PTCD3: variants seen among roughly 807,000 people sequenced by gnomAD.
PTCD3 encodes pentatricopeptide repeat domain 3.
PTCD3 carries 89 observed loss-of-function variants against 101.9 expected under a neutral mutation model. The observed-to-expected ratio is 0.87, with a 90% CI of 0.74 to 1.04. The LOEUF (loss-of-function observed/expected upper bound fraction) is 1.04. Among genes scored for constraint, PTCD3 ranks in the 50% least tolerant of loss-of-function variants. PTCD3 has a pLI of 0.00. For missense variants in PTCD3, 870 were observed against 828.2 expected (o/e 1.05, Z -0.62); for synonymous variants, 296 against 278.5 (o/e 1.06, Z -0.63).
chr2:86,106,925 G>A (rs1206416023), intron 1 of PTCD3, among the ~76,000 whole-genome samples: 3 of 152,128 alleles, frequency 2.0e-5, no homozygotes, highest in Non-Finnish European at 2.9e-5. Context: ...GGGAATATGA[G>A]AGGCAGTAAT....
At chr2:86,131,771 T>A (rs1346730042) in intron 16 of PTCD3, among the ~76,000 whole-genome samples, 3 of 152,218 alleles carry the variant, frequency 2.0e-5, no homozygotes, top group Non-Finnish European at 4.4e-5. Context: ...GCAAAAGTAA[T>A]TGTGGCCTTT....
rs116182210 is a variant in PTCD3, at chr2:86,106,780, T to C, written c.104+429T>C. ...ACCGTGGGGACTTTGGCTAAAGAAG[T>C]TATCAGGTTTTCGTAAAAGCAGAAA... On this transcript the variant is annotated intron_variant, in intron 1 of 23. Coordinates refer to ENST00000254630, the MANE Select transcript of PTCD3 (RefSeq NM_017952.6). Among the ~76,000 whole-genome samples, 253 of 152,290 alleles carry C rather than the reference T, an allele frequency of 1.7e-3. 2 individuals carry two copies. The highest frequency in any genetic ancestry group is 5.8e-3 in the African/African-American group (242 of 41,564).
In PTCD3 at chr2:86,124,942, C is replaced by T. The variant is rs1023179124; in HGVS notation, c.717-53C>T. 27 of 1,599,670 alleles carry T rather than the reference C, an allele frequency of 1.7e-5. No homozygotes were observed. In the East Asian group the frequency reaches 6.0e-4, roughly 36 times the overall value. On this transcript the variant is annotated intron_variant, in intron 9 of 23. Transcript: ENST00000254630. Reference sequence around the variant, plus strand: ...ATAAACCGTCAGTAAATGGTGGTAGCTCTCATTGGTATTTCTTATTGCCTG... The same window carrying T: ...ATAAACCGTCAGTAAATGGTGGTAGTTCTCATTGGTATTTCTTATTGCCTG...
chr2:86,130,196 A>G (rs1674471045), intron 14 of PTCD3, among the ~76,000 whole-genome samples: 1 of 152,168 alleles, frequency 6.6e-6, no homozygotes, highest in Non-Finnish European at 1.5e-5. Flanking sequence ...GCTGCTCGGA[A>G]GGCTGAGGCA....
chr2:86,109,275 G>A (rs923943531), intron 3 of PTCD3, among the ~76,000 whole-genome samples: 1 of 152,054 alleles, frequency 6.6e-6, no homozygotes, highest in South Asian at 2.1e-4. Flanking sequence ...ATGTGGTGGG[G>A]GGTCGCCTGT....
rs765180280 is a variant in PTCD3, at chr2:86,137,178, G to C, written c.1979+38G>C. 5.9e-6 allele frequency: 9 copies of C among 1,529,068 alleles called. No individual in the cohort carries two copies. The East Asian group carries it at 1.8e-4, about 31-fold the overall frequency. The allele number at this position is 1,529,068 out of a possible 1,614,324, so 94.7% of individuals were successfully genotyped here. A position where few individuals can be genotyped will look rare whatever the true frequency, so the allele number is the denominator to read the frequency against. ...CATGAAGCATAGTTTGTAAAATGGA[G>C]ACCTTTCATCCATCTGCCCATTCAA... On this transcript the variant is annotated intron_variant, in intron 23 of 23. Coordinates refer to ENST00000254630, the MANE Select transcript of PTCD3 (RefSeq NM_017952.6).
In PTCD3 at chr2:86,118,995, C is replaced by G. The variant is rs148813034; in HGVS notation, c.489C>G (p.Leu163=). ...CCGCCCTGAAGGAACGAATTGAGCT[C>G]AGAAAAGTCAAAGCCTCTGTGGACA... ...SEAALKERIE[L]RKVKASVDMF... Residue 163 remains leucine (L), a synonymous_variant, in exon 7 of 24, where the codon CTC becomes CTG. Transcript: ENST00000254630. The G allele has an allele frequency of 3.1e-6, 5 of 1,614,112 alleles. No individual in the cohort carries two copies. The highest frequency in any genetic ancestry group is 1.7e-5 in the Admixed American group (1 of 60,008).
chr2:86,113,469 G>C (rs544147543), intron 4 of PTCD3, among the ~76,000 whole-genome samples: 1 of 152,076 alleles, frequency 6.6e-6, no homozygotes, highest in South Asian at 2.1e-4. Context: ...TTACAAGTAC[G>C]CAGAATTGTT....
intron 13 of PTCD3, 38 bp downstream of exon 13, chr2:86,127,343 T>G: frequency 6.3e-7 from 1 of 1,588,664 alleles, no homozygotes; most frequent in East Asian, 2.2e-5. Context: ...GGACAGAGAC[T>G]GTGCCAGCCA....
chr2:86,125,612 T>C, intron 11 of PTCD3, 97 bp downstream of exon 11: 1 of 1,297,398 alleles, frequency 7.7e-7, no homozygotes, highest in Non-Finnish European at 1.1e-6. Flanking sequence ...TGGCCTACAC[T>C]TTACCTTTTC....
intron 4 of PTCD3, chr2:86,111,942 C>T (rs1211204363): frequency 6.6e-6 from 1 of 152,028 alleles, no homozygotes; most frequent in African/African-American, 2.4e-5. Context: ...CGGGGTTTCT[C>T]CATGTTGGTC....
At chr2:86,125,175 T>A in intron 10 of PTCD3, 93 bp downstream of exon 10, 1 of 1,530,880 alleles carries the variant, frequency 6.5e-7, no homozygotes, top group Non-Finnish European at 8.8e-7. Flanking sequence ...GGTAATTTGT[T>A]GTGGGGTCTG....
intron 16 of PTCD3, 21 bp from the exon 17 acceptor site, chr2:86,132,293 ATACT>A (rs763314771): frequency 1.0e-5 from 14 of 1,402,738 alleles, no homozygotes; most frequent in African/African-American, 1.4e-5. Context: ...TATCAGAGTG[ATACT>A]TACTACTTGC....
chr2:86,132,463 C>T (rs770107220), intron 17 of PTCD3, 39 bp downstream of exon 17: 3 of 1,426,682 alleles, frequency 2.1e-6, no homozygotes, highest in Non-Finnish European at 3.0e-6. Flanking sequence ...CATGAGTTAC[C>T]AGATTCTGCA....
chr2:86,128,572 G>T (rs1674439941), intron 14 of PTCD3, among the ~76,000 whole-genome samples: 1 of 152,196 alleles, frequency 6.6e-6, no homozygotes. Flanking sequence ...CATGTGTCGT[G>T]ATGCAGATTC....
intron 4 of PTCD3, 137 bp from the exon 5 acceptor site, chr2:86,116,393 C>T: frequency 1.5e-6 from 1 of 670,968 alleles, no homozygotes; most frequent in Non-Finnish European, 2.5e-6. Flanking sequence ...GTGAAATGGC[C>T]AGCTGTGGTG....
Position 86,125,843 on chromosome 2 carries a change from T to C in PTCD3, c.914T>C (p.Ile305Thr), listed in dbSNP as rs1467600115. Residue 305 changes from isoleucine (I) to threonine (T), a missense_variant, in exon 12 of 24, where the codon ATA (isoleucine) becomes ACA (threonine). Ile to Thr is a moderately conservative substitution (Grantham distance 89). Coordinates refer to ENST00000254630, the MANE Select transcript of PTCD3 (RefSeq NM_017952.6). ...NALIEATVCA[I>T]NEKFEEKWSK... Reference sequence around the variant, plus strand: ...TTGATTGAAGCAACAGTATGTGCGATAAATGAGAAATTTGAGGAAAAATGG... The same window carrying C: ...TTGATTGAAGCAACAGTATGTGCGACAAATGAGAAATTTGAGGAAAAATGG... The C allele has an allele frequency of 6.2e-7, 1 of 1,609,502 alleles. No individual in the cohort carries two copies. Among genetic ancestry groups the C allele is most frequent in the East Asian group, 2.2e-5 (1 of 44,870 alleles).
intron 17 of PTCD3, 142 bp from the exon 18 acceptor site, chr2:86,133,036 C>T: frequency 7.3e-7 from 1 of 1,377,186 alleles, no homozygotes; most frequent in Non-Finnish European, 9.6e-7. Flanking sequence ...GCTCTTAAAC[C>T]AAATATTGGC....
At position 86,135,093 on chromosome 2, in the gene PTCD3, T is replaced by C; in HGVS notation, c.1778+106T>C. ...TTTCATTTGGCCACATAACACGTAT[T>C]TGATTCGGGAACTTGCAAATACCAA... On this transcript the variant is annotated intron_variant, in intron 21 of 23. Coordinates refer to ENST00000254630, the MANE Select transcript of PTCD3 (RefSeq NM_017952.6). The C allele has an allele frequency of 1.5e-6, 2 of 1,323,078 alleles. 1 individual carries two copies. The highest frequency in any genetic ancestry group is 4.7e-5 in the East Asian group (2 of 42,928). 82.0% of individuals were successfully genotyped at this position (1,323,078 alleles called of 1,614,324 possible).
Sources: gnomAD v4.1 joint callset for allele counts (sites outside exome capture counted in the v4.1 genomes callset) on GRCh38, gnomAD v4.1.1 for gene constraint, MANE v1.5 for transcripts, NCBI Gene and HGNC (gene_info 2026-07-23, HGNC 2026-07-21) for gene names.